The following HES2 variants were observed in gnomAD, a reference collection of about 807,000 sequenced individuals.
The protein encoded by HES2 is transcription factor HES-2.
HES2 carries 11 observed loss-of-function variants against 11.9 expected under a neutral mutation model. That is an observed-to-expected ratio of 0.92 (90% confidence interval 0.58 to 1.53). The LOEUF (loss-of-function observed/expected upper bound fraction) is 1.53. Ranked by LOEUF, HES2 falls within the 40% of genes most tolerant of loss-of-function variation. HES2 has a pLI of 0.00. For missense variants in HES2, 260 were observed against 253.8 expected, an observed-to-expected ratio of 1.02 and a Z score of -0.16; for synonymous variants, 125 against 122.8, an observed-to-expected ratio of 1.02 and a Z score of -0.12.
At position 6,419,703 on chromosome 1, in the gene HES2, C is replaced by T; in HGVS notation, c.46-1G>A. ...GCTTCTCCAGCAGCGGCTTCAGGCTCTGCGGACGGGCGGCGCGGTGGTTAG... is the reference window on the plus strand; with the variant it reads ...GCTTCTCCAGCAGCGGCTTCAGGCTTTGCGGACGGGCGGCGCGGTGGTTAG... On this transcript the variant is annotated splice_acceptor_variant, in intron 1 of 3. Coordinates refer to ENST00000377834, the MANE Select transcript of HES2 (RefSeq NM_019089.5). LOFTEE classifies it high-confidence loss of function. This position sits in a 1 kb window ranked among gnomAD's most constrained non-coding sequence, Gnocchi z 8.1. The T allele has an allele frequency of 6.4e-7, 1 of 1,554,612 alleles. No homozygotes were observed. Among genetic ancestry groups the T allele is most frequent in the Non-Finnish European group, 8.7e-7 (1 of 1,152,668 alleles).
In HES2 at chr1:6,419,082, G is replaced by C. The variant is rs758356207; in HGVS notation, c.313C>G (p.Arg105Gly). Residue 105 changes from arginine to glycine, a missense_variant, in exon 4 of 4, where the codon CGT becomes GGT. Transcript: ENST00000377834. The surrounding 1 kb of genome is among the most constrained non-coding windows in gnomAD (Gnocchi z 8.1). ...ARLARVLPAC[R>G]VLEPAVSARL... ...GCGCTCACGGCGGGCTCCAGGACACGGCAGGCGGGCAGCACGCGGGCCAGG... is the reference window on the plus strand; with the variant it reads ...GCGCTCACGGCGGGCTCCAGGACACCGCAGGCGGGCAGCACGCGGGCCAGG... 36 of 1,500,112 alleles carry C rather than the reference G, an allele frequency of 2.4e-5. No individual in the cohort carries two copies. The highest frequency in any genetic ancestry group is 2.9e-5 in the Non-Finnish European group (33 of 1,133,200). 92.9% of individuals were successfully genotyped at this position (1,500,112 alleles called of 1,614,324 possible).
chr1:6,417,876 GC>G lies in HES2; in HGVS notation c.*996del, dbSNP rs2148494923. ...TGGGATTACAGGCGTGAGCCACCGC[GC>G]CCGCCCAGAAAGAAAAATCTTAACA... On this transcript the variant is annotated 3_prime_UTR_variant, in exon 4 of 4. Coordinates refer to ENST00000377834, the MANE Select transcript of HES2 (RefSeq NM_019089.5). The G allele has an allele frequency of 6.6e-6, 1 of 152,368 alleles. No homozygotes were observed. The highest frequency in any genetic ancestry group is 2.1e-4 in the South Asian group (1 of 4,832). The allele number at this position is 152,368 out of a possible 1,614,324, so 9.4% of individuals were successfully genotyped here. A position where few individuals can be genotyped will look rare whatever the true frequency, so the allele number is the denominator to read the frequency against.
Position 6,415,583 on chromosome 1 carries a change from T to C in HES2, c.*3290A>G, listed in dbSNP as rs1477811052. On this transcript the variant is annotated 3_prime_UTR_variant, in exon 4 of 4. Coordinates refer to ENST00000377834, the MANE Select transcript of HES2 (RefSeq NM_019089.5). ...TGTCAATGTTTATGAGGAGTCCTCC[T>C]TGGCAGCCCAGTCTTTATCCTCACT... 6.6e-6 allele frequency: 1 copy of C among 151,952 alleles called. No individual in the cohort carries two copies. The highest frequency in any genetic ancestry group is 1.5e-5 in the Non-Finnish European group (1 of 68,010). The allele number at this position is 151,952 out of a possible 1,614,324, so 9.4% of individuals were successfully genotyped here.
chr1:6,419,463 C>A lies in HES2; in HGVS notation c.142-123G>T. The A allele has an allele frequency of 8.6e-7, 1 of 1,161,238 alleles. No homozygotes were observed. Among genetic ancestry groups the A allele is most frequent in the Non-Finnish European group, 1.2e-6 (1 of 833,878 alleles). 71.9% of individuals were successfully genotyped at this position (1,161,238 alleles called of 1,614,324 possible). On this transcript the variant is annotated intron_variant, in intron 2 of 3. Coordinates refer to ENST00000377834, the MANE Select transcript of HES2 (RefSeq NM_019089.5). This position sits in a 1 kb window ranked among gnomAD's most constrained non-coding sequence, Gnocchi z 8.1. ...GGGCGCGCCGTGGCCTGCTGGGGGT[C>A]CGCTCCGACGCGCCCACCCCACCCA...
chr1:6,419,154 C>T lies in HES2; in HGVS notation c.242-1G>A, dbSNP rs915896374. On this transcript the variant is annotated splice_acceptor_variant, in intron 3 of 3. Coordinates refer to ENST00000377834, the MANE Select transcript of HES2 (RefSeq NM_019089.5). LOFTEE classifies it high-confidence loss of function. The surrounding 1 kb of genome is among the most constrained non-coding windows in gnomAD (Gnocchi z 8.1). The stretch of plus-strand genomic sequence containing the variant: ...CCCTCGCGGTAGCTGTCGCAAGGCA[C>T]TGCGGGCGGAGAGCCGCGTGAGGCG... 1 of 1,543,566 alleles carries T rather than the reference C, an allele frequency of 6.5e-7. No homozygotes were observed. Among genetic ancestry groups the T allele is most frequent in the East Asian group, 2.4e-5 (1 of 41,206 alleles).
At position 6,418,979 on chromosome 1, in the gene HES2, GGGCCACTGGAATCCCCAGCGC is replaced by G; in HGVS notation, c.395_415del (p.Arg132_Gly138del). ...CGCGGGCGCTGGGGCGGGGGCAGAC[GGGCCACTGGAATCCCCAGCGC>G]GCCCGCCGTCCAGGGTGGCGCTGGC... On this transcript the variant is annotated inframe_deletion, in exon 4 of 4. Transcript: ENST00000377834. 7.4e-7 allele frequency: 1 copy of G among 1,352,082 alleles called. No homozygotes were observed. The highest frequency in any genetic ancestry group is 9.4e-7 in the Non-Finnish European group (1 of 1,061,846). 83.8% of individuals were successfully genotyped at this position (1,352,082 alleles called of 1,614,324 possible).
In HES2 at chr1:6,419,827, CG is replaced by C; in HGVS notation, c.-8del. Reference sequence around the variant, plus strand: ...CCCGGCGAGGCAGCCCCATGCTCCGCGGGGAAGCGGTGGCAGCTGCGAGCCC... The same window carrying C: ...CCCGGCGAGGCAGCCCCATGCTCCGCGGGAAGCGGTGGCAGCTGCGAGCCC... On this transcript the variant is annotated 5_prime_UTR_variant, in exon 1 of 4. Transcript: ENST00000377834. This position sits in a 1 kb window ranked among gnomAD's most constrained non-coding sequence, Gnocchi z 8.1. 6.5e-7 allele frequency: 1 copy of C among 1,549,514 alleles called. No homozygotes were observed. The highest frequency in any genetic ancestry group is 8.7e-7 in the Non-Finnish European group (1 of 1,152,820).
Position 6,419,648 on chromosome 1 carries a change from T to C in HES2, c.100A>G (p.Ser34Gly). The C allele has an allele frequency of 6.4e-7, 1 of 1,553,078 alleles. No homozygotes were observed. Among genetic ancestry groups the C allele is most frequent in the Non-Finnish European group, 8.7e-7 (1 of 1,152,704 alleles). ...GGCAGGATGAGCCCCTTAAGCTGGC[T>C]CAGGCTCTGGTTGATGCGCGCGCGC... ...RRRARINQSLSQLKGLILPLL... is the reference protein window; with the variant it reads ...RRRARINQSLGQLKGLILPLL... Residue 34 changes from serine (S) to glycine (G), a missense_variant, in exon 2 of 4, where the codon AGC becomes GGC. Transcript: ENST00000377834. This position sits in a 1 kb window ranked among gnomAD's most constrained non-coding sequence, Gnocchi z 8.1.
rs202012466 is a variant in HES2, at chr1:6,419,767, G to A, written c.45+9C>T. 5 of 1,385,464 alleles carry A rather than the reference G, an allele frequency of 3.6e-6. No homozygotes were observed. The East Asian group carries it at 1.1e-4, about 31-fold the overall frequency. The allele number at this position is 1,385,464 out of a possible 1,614,324, so 85.8% of individuals were successfully genotyped here. On this transcript the variant is annotated intron_variant, in intron 1 of 3. Coordinates refer to ENST00000377834, the MANE Select transcript of HES2 (RefSeq NM_019089.5). The surrounding 1 kb of genome is among the most constrained non-coding windows in gnomAD (Gnocchi z 8.1). ...GTCCCCAGCCCCGCCCCCAGTCCCC[G>A]GTACCCACCTTGCGCAGCTCCGCCG...
In HES2 at chr1:6,419,490, G is replaced by T; in HGVS notation, c.141+117C>A. ...GCTCCGACGCGCCCACCCCACCCAG[G>T]CTCCGCCTCGGGCGCCGCGCGGAAC... On this transcript the variant is annotated intron_variant, in intron 2 of 3. Transcript: ENST00000377834. This position sits in a 1 kb window ranked among gnomAD's most constrained non-coding sequence, Gnocchi z 8.1. 8.4e-7 allele frequency: 1 copy of T among 1,184,918 alleles called. No homozygotes were observed. Among genetic ancestry groups the T allele is most frequent in the Non-Finnish European group, 1.2e-6 (1 of 868,586 alleles). 73.4% of individuals were successfully genotyped at this position (1,184,918 alleles called of 1,614,324 possible).
In HES2 at chr1:6,418,817, T is replaced by A; in HGVS notation, c.*56A>T. 7.8e-7 allele frequency: 1 copy of A among 1,277,420 alleles called. No individual in the cohort carries two copies. The highest frequency in any genetic ancestry group is 9.8e-7 in the Non-Finnish European group (1 of 1,017,348). 79.1% of individuals were successfully genotyped at this position (1,277,420 alleles called of 1,614,324 possible). On this transcript the variant is annotated 3_prime_UTR_variant, in exon 4 of 4. Coordinates refer to ENST00000377834, the MANE Select transcript of HES2 (RefSeq NM_019089.5). Reference sequence around the variant, plus strand: ...GCAGCCGCCACCAAGAGCTTCAACCTGTCCAGTGCCCCAAGGTCCCAAGCA... The same window carrying A: ...GCAGCCGCCACCAAGAGCTTCAACCAGTCCAGTGCCCCAAGGTCCCAAGCA...
chr1:6,419,162 G>A lies in HES2; in HGVS notation c.242-9C>T, dbSNP rs570269369. 4 of 1,552,202 alleles carry A rather than the reference G, an allele frequency of 2.6e-6. No individual in the cohort carries two copies. The highest frequency in any genetic ancestry group is 3.5e-6 in the Non-Finnish European group (4 of 1,156,708). ...GTAGCTGTCGCAAGGCACTGCGGGC[G>A]GAGAGCCGCGTGAGGCGCGGGGTAG... On this transcript the variant is annotated splice_polypyrimidine_tract_variant and intron_variant, in intron 3 of 3. Coordinates refer to ENST00000377834, the MANE Select transcript of HES2 (RefSeq NM_019089.5). The surrounding 1 kb of genome is among the most constrained non-coding windows in gnomAD (Gnocchi z 8.1).
rs1642838835 is a variant in HES2 at position 6,415,684 on chromosome 1, G to C, written c.*3189C>G. 1 of 152,214 alleles carries C rather than the reference G, an allele frequency of 6.6e-6. No individual in the cohort carries two copies. Among genetic ancestry groups the C allele is most frequent in the Non-Finnish European group, 1.5e-5 (1 of 68,048 alleles). 9.4% of individuals were successfully genotyped at this position (152,214 alleles called of 1,614,324 possible). A position where few individuals can be genotyped will look rare whatever the true frequency, so the allele number is the denominator to read the frequency against. On this transcript the variant is annotated 3_prime_UTR_variant, in exon 4 of 4. Transcript: ENST00000377834. The stretch of plus-strand genomic sequence containing the variant: ...AGGTAGGCGCCTGTCCCAAGCCTGA[G>C]TTTCCTGGGAAATCTACATTTCAGC...
Position 6,419,507 on chromosome 1 carries a change from G to T in HES2, c.141+100C>A. 1.6e-6 allele frequency: 2 copies of T among 1,244,530 alleles called. No individual in the cohort carries two copies. The highest frequency in any genetic ancestry group is 1.5e-5 in the South Asian group (1 of 65,922). 77.1% of individuals were successfully genotyped at this position (1,244,530 alleles called of 1,614,324 possible). On this transcript the variant is annotated intron_variant, in intron 2 of 3. Transcript: ENST00000377834. The surrounding 1 kb of genome is among the most constrained non-coding windows in gnomAD (Gnocchi z 8.1). ...CCACCCAGGCTCCGCCTCGGGCGCC[G>T]CGCGGAACCCCCTGGTGGGTTCCTC...
rs1475075521 is a variant in HES2 at position 6,419,915 on chromosome 1, C to G, written c.-95G>C. 2.9e-6 allele frequency: 4 copies of G among 1,382,700 alleles called. No individual in the cohort carries two copies. Among genetic ancestry groups the G allele is most frequent in the Non-Finnish European group, 3.7e-6 (4 of 1,069,460 alleles). The allele number at this position is 1,382,700 out of a possible 1,614,324, so 85.7% of individuals were successfully genotyped here. On this transcript the variant is annotated 5_prime_UTR_variant, in exon 1 of 4. Transcript: ENST00000377834. The surrounding 1 kb of genome is among the most constrained non-coding windows in gnomAD (Gnocchi z 8.1). ...GGGCGCGGCCCGGGCTGGTGCCAGA[C>G]GAGTGCGCGCCCCGCCCGCGGCCGA...
rs565651841 is a variant in HES2, at chr1:6,419,894, G to A, written c.-74C>T. ...CGAGGTCCGAAATGAGGTCCCGGGC[G>A]CGGCCCGGGCTGGTGCCAGACGAGT... is the stretch of plus-strand genomic sequence containing the variant. On this transcript the variant is annotated 5_prime_UTR_variant, in exon 1 of 4. Coordinates refer to ENST00000377834, the MANE Select transcript of HES2 (RefSeq NM_019089.5). The surrounding 1 kb of genome is among the most constrained non-coding windows in gnomAD (Gnocchi z 8.1). 87 of 1,446,378 alleles carry A rather than the reference G, an allele frequency of 6.0e-5. No homozygotes were observed. The South Asian group carries it at 8.9e-4, about 15-fold the overall frequency. The allele number at this position is 1,446,378 out of a possible 1,614,324, so 89.6% of individuals were successfully genotyped here. A position where few individuals can be genotyped will look rare whatever the true frequency, so the allele number is the denominator to read the frequency against.
At position 6,419,245 on chromosome 1, in the gene HES2, C is replaced by A. The variant is rs762839492; in HGVS notation, c.237G>T (p.Ala79=). The change falls in exon 3 of 4, where the codon GCG becomes GCT. Residue 79 remains alanine (A), a synonymous_variant. Transcript: ENST00000377834. This position sits in a 1 kb window ranked among gnomAD's most constrained non-coding sequence, Gnocchi z 8.1. ...GGGCAGGGAGGGCTCACTCACGGGG[C>A]GCTGCCGTGGGCCATGAGGACGCAG... ...ELPASSWPTA[A]PLPCDSYREG... is the part of the protein sequence containing the mutation. 34 of 1,608,482 alleles carry A rather than the reference C, an allele frequency of 2.1e-5. No individual in the cohort carries two copies. The highest frequency in any genetic ancestry group is 2.8e-5 in the Non-Finnish European group (33 of 1,178,646).
In HES2 at chr1:6,419,161, C is replaced by T. The variant is rs768080788; in HGVS notation, c.242-8G>A. ...GGTAGCTGTCGCAAGGCACTGCGGG[C>T]GGAGAGCCGCGTGAGGCGCGGGGTA... On this transcript the variant is annotated splice_polypyrimidine_tract_variant and splice_region_variant and intron_variant, in intron 3 of 3. Transcript: ENST00000377834. This position sits in a 1 kb window ranked among gnomAD's most constrained non-coding sequence, Gnocchi z 8.1. 2.6e-6 allele frequency: 4 copies of T among 1,549,212 alleles called. No individual in the cohort carries two copies. The highest frequency in any genetic ancestry group is 1.2e-5 in the South Asian group (1 of 85,372).
In HES2 at chr1:6,419,799, C is replaced by G. The variant is rs1474159303; in HGVS notation, c.22G>C (p.Gly8Arg). The G allele has an allele frequency of 6.4e-7, 1 of 1,562,952 alleles. No individual in the cohort carries two copies. Among genetic ancestry groups the G allele is most frequent in the Non-Finnish European group, 8.6e-7 (1 of 1,159,284 alleles). The change falls in exon 1 of 4, where the codon GGG becomes CGG. Residue 8 changes from glycine (G) to arginine (R), a missense_variant. Gly to Arg is a moderately radical substitution (Grantham distance 125). Coordinates refer to ENST00000377834, the MANE Select transcript of HES2 (RefSeq NM_019089.5). This position sits in a 1 kb window ranked among gnomAD's most constrained non-coding sequence, Gnocchi z 8.1. MGLPRRA[G>R]DAAELRKSLK... is the part of the protein sequence containing the mutation. ...ACCTTGCGCAGCTCCGCCGCGTCCC[C>G]TGCCCGGCGAGGCAGCCCCATGCTC... is the stretch of plus-strand genomic sequence containing the variant.
Sources: allele counts gnomAD v4.1 joint callset, GRCh38; gene constraint gnomAD v4.1.1; non-coding constraint Gnocchi (gnomAD v3.1); transcripts MANE v1.5; gene names NCBI Gene and HGNC (gene_info 2026-07-23, HGNC 2026-07-21).